Variants in FGD4 observed in about 807,000 individuals in gnomAD.
The protein encoded by FGD4 is FYVE, RhoGEF and PH domain-containing protein 4.
A neutral mutation model predicts 102.0 loss-of-function variants in FGD4; 42 were observed. The ratio of observed to expected loss-of-function variants is 0.41; its 90% CI spans 0.32 to 0.53. FGD4 has a LOEUF of 0.53. Ranked by LOEUF, FGD4 falls within the 20% of genes least tolerant of loss-of-function variation. The pLI is 0.21. For synonymous variants in FGD4, 380 were observed against 375.7 expected (o/e 1.01, Z -0.13); for missense variants, 902 against 1,078.2 (o/e 0.84, Z 2.29).
rs767265254 is a variant in FGD4 at position 32,608,037 on chromosome 12, C to T, written c.1485C>T (p.Leu495=). 27 of 1,614,190 alleles carry T rather than the reference C, an allele frequency of 1.7e-5. No individual in the cohort carries two copies. The South Asian group carries it at 2.5e-4, about 15-fold the overall frequency. The change falls in exon 8 of 17, where the codon CTC becomes CTT. Residue 495 remains leucine (L), a synonymous_variant. Coordinates refer to ENST00000534526, the MANE Select transcript of FGD4 (RefSeq NM_001370298.3). ...PVQRIPRYEM[L]LKDYLRKLPP... The stretch of plus-strand genomic sequence containing the variant: ...AGCGGATTCCCCGGTATGAGATGCT[C>T]CTTAAGGACTATCTAAGGAAATTGC...
chr12:32,640,758 G>T lies in FGD4; in HGVS notation c.*225G>T. On this transcript the variant is annotated 3_prime_UTR_variant, in exon 17 of 17. Transcript: ENST00000534526. The stretch of plus-strand genomic sequence containing the variant: ...TAATGTGAAAACTGGAGCATTTTTT[G>T]AGCTATTCCTTGAATATGTGCTTTT... 1.5e-6 allele frequency: 1 copy of T among 648,226 alleles called. No homozygotes were observed. The highest frequency in any genetic ancestry group is 2.9e-5 in the Admixed American group (1 of 34,456). 40.2% of individuals were successfully genotyped at this position (648,226 alleles called of 1,614,324 possible).
intron 1 of FGD4, among the ~76,000 whole-genome samples, chr12:32,461,971 C>T (rs1043727897): frequency 1.6e-4 from 24 of 152,200 alleles, no homozygotes; most frequent in Admixed American, 8.5e-4. Context: ...GTGATCCACC[C>T]GCCTCAGCCT....
In FGD4 at chr12:32,644,884, G is replaced by A. The variant is rs1222568359; in HGVS notation, c.*4351G>A. On this transcript the variant is annotated 3_prime_UTR_variant, in exon 17 of 17. Transcript: ENST00000534526. ...CAGATCATTTTCTGTACTGTTTACT[G>A]AGGCAAAAAAAAAAAAAATCTGAAG... The A allele has an allele frequency of 1.2e-4, 15 of 128,088 alleles. No homozygotes were observed. Among genetic ancestry groups the A allele is most frequent in the South Asian group, 5.3e-4 (2 of 3,790 alleles). 7.9% of individuals were successfully genotyped at this position (128,088 alleles called of 1,614,324 possible). A position where few individuals can be genotyped will look rare whatever the true frequency, so the allele number is the denominator to read the frequency against.
chr12:32,624,868 A>T, intron 12 of FGD4, 108 bp from the exon 13 acceptor site: 1 of 928,522 alleles, frequency 1.1e-6, no homozygotes, highest in Non-Finnish European at 1.8e-6. Flanking sequence ...GAACAGGTTC[A>T]CTTAATTTTC....
intron 1 of FGD4, among the ~76,000 whole-genome samples, chr12:32,491,140 AAAAAAAAAAAC>A (rs1391990345): frequency 6.6e-6 from 1 of 150,784 alleles, no homozygotes; most frequent in Non-Finnish European, 1.5e-5. Flanking sequence ...GTTAAAAAAA[AAAAAAAAAAAC>A]AAAAAACTAT....
intron 4 of FGD4, among the ~76,000 whole-genome samples, chr12:32,595,977 C>A (rs964991952): frequency 1.3e-5 from 2 of 152,202 alleles, no homozygotes; most frequent in Admixed American, 1.3e-4. Context: ...AAGTAGATCT[C>A]ATGTGGTGAA....
chr12:32,524,658 CT>C (rs1361331017), intron 1 of FGD4, among the ~76,000 whole-genome samples: 2 of 151,818 alleles, frequency 1.3e-5, no homozygotes, highest in Non-Finnish European at 2.9e-5. Flanking sequence ...GACTCTGACT[CT>C]ACAAAAAAAT....
At chr12:32,451,459 G>A (rs761972618) in intron 1 of FGD4, among the ~76,000 whole-genome samples, 15 of 152,254 alleles carry the variant, frequency 9.9e-5, no homozygotes, top group Non-Finnish European at 1.9e-4. Context: ...TCATATCAGA[G>A]TGCCCAATAG....
chr12:32,602,096 C>A, intron 6 of FGD4, 65 bp from the exon 7 acceptor site: 1 of 1,471,500 alleles, frequency 6.8e-7, no homozygotes, highest in Non-Finnish European at 9.5e-7. Flanking sequence ...GTCTGGGTGA[C>A]AGAACAAGAC....
intron 1 of FGD4, among the ~76,000 whole-genome samples, chr12:32,482,830 A>G (rs1943801542): frequency 6.6e-6 from 1 of 152,230 alleles, no homozygotes. Flanking sequence ...TGCACTTTAG[A>G]AATCACGTTT....
At chr12:32,470,469 T>C (rs867880044) in intron 1 of FGD4, among the ~76,000 whole-genome samples, 13 of 125,794 alleles carry the variant, frequency 1.0e-4, no homozygotes, top group Non-Finnish European at 1.7e-4. Flanking sequence ...TTTTCTTTTT[T>C]TTTTTTTTTT....
At chr12:32,559,964 T>G (rs776306275) in intron 1 of FGD4, among the ~76,000 whole-genome samples, 10 of 152,224 alleles carry the variant, frequency 6.6e-5, no homozygotes, top group Non-Finnish European at 1.3e-4. Flanking sequence ...TTACATTAGT[T>G]TCTTCCTCTA....
rs188573869 is a variant in FGD4 at position 32,564,753 on chromosome 12, C to T, written c.319+464C>T. On this transcript the variant is annotated intron_variant, in intron 2 of 16. Transcript: ENST00000534526. ...GAAAACACCTGATAGTAAGGTCTTC[C>T]GCAGAAAGGAACAGTAACAGCCCTT... is the stretch of plus-strand genomic sequence containing the variant. Among the ~76,000 whole-genome samples, 308 of 152,240 alleles carry T rather than the reference C, an allele frequency of 2.0e-3. 2 individuals carry two copies. The highest frequency in any genetic ancestry group is 3.5e-3 in the Non-Finnish European group (238 of 68,012).
intron 2 of FGD4, among the ~76,000 whole-genome samples, chr12:32,568,038 G>C (rs1945333732): frequency 6.6e-6 from 1 of 152,002 alleles, no homozygotes; most frequent in Non-Finnish European, 1.5e-5. Flanking sequence ...TATTAGTGGT[G>C]ATTATGTAGT....
intron 4 of FGD4, among the ~76,000 whole-genome samples, chr12:32,595,047 C>T (rs1031838894): frequency 7.2e-6 from 1 of 139,774 alleles, no homozygotes; most frequent in Admixed American, 7.2e-5. Context: ...AAAAAAAAAA[C>T]AACACAGCAA....
At chr12:32,527,476 C>A (rs1389612061) in intron 1 of FGD4, among the ~76,000 whole-genome samples, 1 of 152,066 alleles carries the variant, frequency 6.6e-6, no homozygotes, top group Admixed American at 6.6e-5. Context: ...GTTGTCCAGG[C>A]TGGAGCGCAG....
rs192175573 is a variant in FGD4, at chr12:32,632,811, G to A, written c.2173-738G>A. On this transcript the variant is annotated intron_variant, in intron 14 of 16. Coordinates refer to ENST00000534526, the MANE Select transcript of FGD4 (RefSeq NM_001370298.3). The stretch of plus-strand genomic sequence containing the variant: ...CTGGAACTCCTGGACTCAAGCATCT[G>A]CCCTTCTCGGCCTCCCAAAGTGCTG... 5.3e-5 allele frequency among the ~76,000 whole-genome samples: 8 copies of A among 150,710 alleles called. No homozygotes were observed. In the East Asian group the frequency reaches 1.6e-3, roughly 29 times the overall value.
chr12:32,615,633 G>A (rs1428268042), intron 10 of FGD4, among the ~76,000 whole-genome samples: 7 of 151,984 alleles, frequency 4.6e-5, no homozygotes, highest in Non-Finnish European at 1.0e-4. Flanking sequence ...GACTGCCATC[G>A]GAAGGGCAGA....
chr12:32,585,543 A>G (rs1451257293), intron 4 of FGD4, among the ~76,000 whole-genome samples: 5 of 151,912 alleles, frequency 3.3e-5, no homozygotes, highest in African/African-American at 9.7e-5. Context: ...CTTTGGAAAT[A>G]CAGATGACTG....
Sources: allele counts gnomAD v4.1 joint callset (sites outside exome capture counted in the v4.1 genomes callset), GRCh38; gene constraint gnomAD v4.1.1; transcripts MANE v1.5; gene names NCBI Gene and HGNC (gene_info 2026-07-23, HGNC 2026-07-21).